The following OSBPL6 variants were observed in gnomAD, a reference collection of about 807,000 sequenced individuals.
OSBPL6 encodes the protein oxysterol-binding protein-related protein 6.
A neutral mutation model predicts 125.8 loss-of-function variants in OSBPL6; 49 were observed. The ratio of observed to expected loss-of-function variants is 0.39; its 90% confidence interval spans 0.31 to 0.49. OSBPL6 has a LOEUF of 0.49. OSBPL6 is among the 20% of genes least tolerant of loss of function. OSBPL6 has a pLI of 0.88. For missense variants in OSBPL6, 986 were observed against 1,135.4 expected (o/e 0.87, Z 1.89); for synonymous variants, 394 against 391.8 (o/e 1.01, Z -0.07).
At chr2:178,225,003 T>TC (rs2090492179) in intron 1 of OSBPL6, among the ~76,000 whole-genome samples, 29 of 148,536 alleles carry the variant, frequency 2.0e-4, no homozygotes, top group African/African-American at 6.2e-4. Context: ...CTCTCTCTCT[T>TC]TCTCTCTCTC....
chr2:178,228,460 G>A (rs1278860668), intron 1 of OSBPL6, among the ~76,000 whole-genome samples: 2 of 152,238 alleles, frequency 1.3e-5, no homozygotes, highest in Admixed American at 6.5e-5. Context: ...GCGTGAAGCC[G>A]GGAGGTGGAG....
At chr2:178,233,496 A>G (rs991993174) in intron 1 of OSBPL6, among the ~76,000 whole-genome samples, 1 of 152,174 alleles carries the variant, frequency 6.6e-6, no homozygotes, top group Non-Finnish European at 1.5e-5. Context: ...TATTTCATCC[A>G]GAATTACTGG....
In OSBPL6 at chr2:178,248,439, A is replaced by AT. The variant is rs200734953; in HGVS notation, c.-350-36479dup. Reference sequence around the variant, plus strand: ...GTGAAATGACAGTTTTTTTCCTGTGATTTTTTTTTCTTGATGCATATTGTT... The same window carrying AT: ...GTGAAATGACAGTTTTTTTCCTGTGATTTTTTTTTTCTTGATGCATATTGTT... On this transcript the variant is annotated intron_variant, in intron 1 of 24. Coordinates refer to ENST00000190611, the MANE Select transcript of OSBPL6 (RefSeq NM_032523.4). Among the ~76,000 whole-genome samples, 210 of 151,714 alleles carry AT rather than the reference A, an allele frequency of 1.4e-3. 2 individuals are homozygous for AT. The highest frequency in any genetic ancestry group is 4.0e-3 in the African/African-American group (165 of 41,428).
intron 1 of OSBPL6, among the ~76,000 whole-genome samples, chr2:178,231,942 C>T (rs1162260406): frequency 1.3e-5 from 2 of 152,274 alleles, no homozygotes; most frequent in Admixed American, 1.3e-4. Flanking sequence ...AATTTATAAA[C>T]TTAAACACGG....
chr2:178,337,185 G>C (rs1689763468), intron 9 of OSBPL6, among the ~76,000 whole-genome samples: 1 of 152,034 alleles, frequency 6.6e-6, no homozygotes, highest in Non-Finnish European at 1.5e-5. Flanking sequence ...TGCAGACACT[G>C]TTTAATACGG....
chr2:178,283,622 G>A (rs62179160), intron 1 of OSBPL6, among the ~76,000 whole-genome samples: 32,481 of 152,030 alleles, frequency 0.21, 3,939 homozygotes, highest in African/African-American at 0.32. Context: ...ACTGTGTTTT[G>A]GTCCATTTGT....
Position 178,211,493 on chromosome 2 carries a change from C to T in OSBPL6, c.-351+16819C>T, listed in dbSNP as rs541945116. Among the ~76,000 whole-genome samples, 7 of 152,278 alleles carry T rather than the reference C, an allele frequency of 4.6e-5. No individual in the cohort carries two copies. The East Asian group carries it at 1.4e-3, about 29-fold the overall frequency. ...CTTTCAGTTTGTCCCAGCCCCAGGA[C>T]CTCCGGTCTCCTCAGGGCTCCTGCC... On this transcript the variant is annotated intron_variant, in intron 1 of 24. Coordinates refer to ENST00000190611, the MANE Select transcript of OSBPL6 (RefSeq NM_032523.4).
rs138447818 is a variant in OSBPL6 at position 178,319,068 on chromosome 2, C to T, written c.103-5109C>T. Among the ~76,000 whole-genome samples, 149 of 152,182 alleles carry T rather than the reference C, an allele frequency of 9.8e-4. 1 individual carries two copies. Among genetic ancestry groups the T allele is most frequent in the African/African-American group, 3.3e-3 (139 of 41,524 alleles). ...TTGAAAGAGGTTAATGGTTTGTCTA[C>T]GTGTCATAGTAAATAGCAGATGAGG... On this transcript the variant is annotated intron_variant, in intron 3 of 24. Transcript: ENST00000190611.
At chr2:178,285,551 C>A (rs1370678059) in intron 2 of OSBPL6, among the ~76,000 whole-genome samples, 1 of 152,158 alleles carries the variant, frequency 6.6e-6, no homozygotes, top group Non-Finnish European at 1.5e-5. Flanking sequence ...CCATAGTAAA[C>A]AATGAGACAG....
chr2:178,339,854 G>A (rs919875107), intron 11 of OSBPL6, 90 bp downstream of exon 11: 4 of 830,940 alleles, frequency 4.8e-6, no homozygotes, highest in Admixed American at 7.6e-5. Flanking sequence ...TAGATTGAAA[G>A]GGCAACTTAA....
At chr2:178,197,464 T>C (rs537483760) in intron 1 of OSBPL6, among the ~76,000 whole-genome samples, 1 of 152,192 alleles carries the variant, frequency 6.6e-6, no homozygotes, top group South Asian at 2.1e-4. Context: ...GTACAGTAAT[T>C]CCCCCGTTAT....
At chr2:178,384,935 G>A (rs774950356) in intron 18 of OSBPL6, among the ~76,000 whole-genome samples, 1 of 151,972 alleles carries the variant, frequency 6.6e-6, no homozygotes, top group African/African-American at 2.4e-5. Flanking sequence ...GGAGGCAGGT[G>A]GTCCTGAGAT....
intron 1 of OSBPL6, among the ~76,000 whole-genome samples, chr2:178,198,103 A>G (rs2089011780): frequency 6.6e-6 from 1 of 152,208 alleles, no homozygotes; most frequent in African/African-American, 2.4e-5. Context: ...AGTTTAGGGA[A>G]CAGATAGGTG....
chr2:178,380,650 T>C (rs896554478), intron 15 of OSBPL6, among the ~76,000 whole-genome samples: 4 of 152,028 alleles, frequency 2.6e-5, no homozygotes, highest in African/African-American at 9.7e-5. Context: ...AGCCTCAAAG[T>C]GACCCATCTG....
At chr2:178,322,311 C>G (rs73032547) in intron 3 of OSBPL6, among the ~76,000 whole-genome samples, 1 of 151,930 alleles carries the variant, frequency 6.6e-6, no homozygotes, top group African/African-American at 2.4e-5. Context: ...GGATGGGGAT[C>G]GGGGAGAGTC....
intron 1 of OSBPL6, among the ~76,000 whole-genome samples, chr2:178,197,753 C>T (rs905699308): frequency 3.3e-5 from 5 of 151,426 alleles, no homozygotes; most frequent in Admixed American, 1.3e-4. Context: ...GTAATTGAAA[C>T]TTTGGATGGG....
At chr2:178,259,084 G>A (rs2091974523) in intron 1 of OSBPL6, among the ~76,000 whole-genome samples, 1 of 152,148 alleles carries the variant, frequency 6.6e-6, no homozygotes, top group Admixed American at 6.5e-5. Flanking sequence ...TGACAGAGCT[G>A]TTTCTCTTCT....
chr2:178,286,257 G>C (rs1684686978), intron 2 of OSBPL6, among the ~76,000 whole-genome samples: 2 of 152,106 alleles, frequency 1.3e-5, no homozygotes, highest in Non-Finnish European at 1.5e-5. Context: ...TACTATCCTA[G>C]TAACTGTACT....
intron 1 of OSBPL6, among the ~76,000 whole-genome samples, chr2:178,228,272 ATG>A (rs2090648982): frequency 1.2e-4 from 18 of 152,350 alleles, no homozygotes; most frequent in Admixed American, 1.1e-3. Context: ...GCGGTGGCTC[ATG>A]CCTGTAATCC....
Sources: gnomAD v4.1 joint callset for allele counts (sites outside exome capture counted in the v4.1 genomes callset) on GRCh38, gnomAD v4.1.1 for gene constraint, MANE v1.5 for transcripts, NCBI Gene and HGNC (gene_info 2026-07-23, HGNC 2026-07-21) for gene names.